Variants in GLI3 observed in about 807,000 individuals in gnomAD.
The protein encoded by GLI3 is transcription activator GLI3.
Under a neutral mutation model 100.8 loss-of-function variants are expected in GLI3, and 20 were observed. The ratio of observed to expected loss-of-function variants is 0.20; its 90% CI spans 0.14 to 0.29. The LOEUF is 0.29. GLI3 is among the 10% of genes least tolerant of loss of function. The pLI, the probability that GLI3 is intolerant of heterozygous loss-of-function variation, is 1.00. For missense variants in GLI3, 2,040 were observed against 2,128.5 expected, an observed-to-expected ratio of 0.96 and a Z score of 0.82; for synonymous variants, 938 against 860.5, an observed-to-expected ratio of 1.09 and a Z score of -1.58.
At chr7:42,047,477 G>A (rs34030595) in intron 5 of GLI3, among the ~76,000 whole-genome samples, 29,076 of 152,156 alleles carry the variant, frequency 0.19, 3,505 homozygotes, top group Admixed American at 0.31. Flanking sequence ...GGTGATTTGC[G>A]ATCTCTTGCA....
chr7:42,055,065 GTATACATATATATGTATATATACATA>G (rs1398550063), intron 4 of GLI3, among the ~76,000 whole-genome samples: 5,416 of 80,556 alleles, frequency 0.067, 322 homozygotes, highest in African/African-American at 0.26. Context: ...ACACATATAT[GTATACATATATATGTATATATACATA>G]TATACACATA....
Position 41,968,746 on chromosome 7 carries a change from AAG to A in GLI3, c.2104-825_2104-824del, listed in dbSNP as rs1491420992. Among the ~76,000 whole-genome samples the A allele has an allele frequency of 3.3e-4, 44 of 131,734 alleles. 2 individuals are homozygous for A. The highest frequency in any genetic ancestry group is 1.6e-3 in the African/African-American group (42 of 26,388). The allele number at this position is 131,734 out of a possible 152,430, so 86.4% of individuals were successfully genotyped here. Reference sequence around the variant, plus strand: ...AAAGAAAGAAAGAAAGAAAGAAAGAAAGAAAGAAAGAAAGAAGGAAAGAAAGA... The same window carrying A: ...AAAGAAAGAAAGAAAGAAAGAAAGAAAAAGAAAGAAAGAAGGAAAGAAAGA... On this transcript the variant is annotated intron_variant, in intron 13 of 14. Transcript: ENST00000395925.
intron 2 of GLI3, among the ~76,000 whole-genome samples, chr7:42,170,285 T>TACAC (rs1377941761): frequency 1.4e-5 from 2 of 145,098 alleles, no homozygotes; most frequent in African/African-American, 5.1e-5. Context: ...TATATATATA[T>TACAC]ATACACACAC....
At chr7:42,050,045 G>A (rs73688631) in intron 4 of GLI3, among the ~76,000 whole-genome samples, 302 of 152,252 alleles carry the variant, frequency 2.0e-3, no homozygotes, top group African/African-American at 6.8e-3. Flanking sequence ...AGTGCACAGC[G>A]CAGACACTGA....
chr7:42,213,115 T>C (rs899178563), intron 2 of GLI3, among the ~76,000 whole-genome samples: 1 of 152,202 alleles, frequency 6.6e-6, no homozygotes, highest in Admixed American at 6.5e-5. Context: ...ATCTGTGGAT[T>C]TTTTTCTCCC....
intron 3 of GLI3, among the ~76,000 whole-genome samples, chr7:42,097,871 G>C (rs1023355061): frequency 3.3e-5 from 5 of 152,068 alleles, no homozygotes; most frequent in African/African-American, 1.2e-4. Context: ...TTCTATACCA[G>C]ACATACCAGG....
intron 6 of GLI3, 69 bp from the exon 7 acceptor site, chr7:42,040,308 T>A: frequency 8.6e-7 from 1 of 1,161,370 alleles, no homozygotes; most frequent in Non-Finnish European, 1.3e-6. Flanking sequence ...TATTGCTACT[T>A]GCCTACGTGG....
Position 42,215,608 on chromosome 7 carries a change from A to G in GLI3, c.124+7522T>C, listed in dbSNP as rs117321606. On this transcript the variant is annotated intron_variant, in intron 2 of 14. Coordinates refer to ENST00000395925, the MANE Select transcript of GLI3 (RefSeq NM_000168.6). Reference sequence around the variant, plus strand: ...GATCACATGTAATCAAAGGCAACCCAGAAACATCCCATCCAAGCAAAACAT... The same window carrying G: ...GATCACATGTAATCAAAGGCAACCCGGAAACATCCCATCCAAGCAAAACAT... 3.3e-5 allele frequency among the ~76,000 whole-genome samples: 5 copies of G among 152,348 alleles called. No individual in the cohort carries two copies. The East Asian group carries it at 9.7e-4, about 29-fold the overall frequency.
intron 12 of GLI3, among the ~76,000 whole-genome samples, chr7:41,973,015 A>G (rs542205305): frequency 6.6e-6 from 1 of 152,356 alleles, no homozygotes; most frequent in African/African-American, 2.4e-5. Context: ...AAAGACACCC[A>G]TCATCTAATC....
At chr7:42,130,635 G>A (rs1377864630) in intron 3 of GLI3, among the ~76,000 whole-genome samples, 1 of 151,978 alleles carries the variant, frequency 6.6e-6, no homozygotes, top group Non-Finnish European at 1.5e-5. Flanking sequence ...ACACACAGAA[G>A]TAACCTAGGA....
chr7:42,071,216 TG>T (rs1009264154), intron 4 of GLI3, among the ~76,000 whole-genome samples: 2 of 151,862 alleles, frequency 1.3e-5, no homozygotes, highest in East Asian at 1.9e-4. Context: ...TTTTCTTTTT[TG>T]GGGGGGCGGT....
At chr7:41,975,154 C>T (rs928967640) in intron 12 of GLI3, among the ~76,000 whole-genome samples, 6 of 152,164 alleles carry the variant, frequency 3.9e-5, no homozygotes, top group African/African-American at 1.2e-4. Context: ...GTCAGAGCTA[C>T]GGTCAGTCTA....
chr7:42,083,269 G>T (rs1785034251), intron 3 of GLI3, among the ~76,000 whole-genome samples: 1 of 151,966 alleles, frequency 6.6e-6, no homozygotes, highest in Non-Finnish European at 1.5e-5. Flanking sequence ...TAATGTTTAG[G>T]TCCCACAAAT....
chr7:42,010,177 A>AC (rs1161323925), intron 10 of GLI3, among the ~76,000 whole-genome samples: 1 of 152,154 alleles, frequency 6.6e-6, no homozygotes, highest in Non-Finnish European at 1.5e-5. Context: ...CAGGATTGAC[A>AC]CTCGGAGCTG....
At chr7:41,992,976 G>A (rs1338240572) in intron 10 of GLI3, among the ~76,000 whole-genome samples, 1 of 152,196 alleles carries the variant, frequency 6.6e-6, no homozygotes, top group Non-Finnish European at 1.5e-5. Context: ...CGAGTTTTAA[G>A]CAGTTTGTTG....
Position 42,023,462 on chromosome 7 carries a change from A to C in GLI3, c.1497+6T>G. The C allele has an allele frequency of 6.2e-7, 1 of 1,614,114 alleles. No individual in the cohort carries two copies. Among genetic ancestry groups the C allele is most frequent in the South Asian group, 1.1e-5 (1 of 91,084 alleles). ...AAAGCTCGGTTCCTGAATACCATCC[A>C]CTTACGTGCACAAGCTGCTCTTGGG... On this transcript the variant is annotated splice_donor_region_variant and intron_variant, in intron 10 of 14. Transcript: ENST00000395925.
intron 6 of GLI3, among the ~76,000 whole-genome samples, chr7:42,042,083 G>A (rs966311948): frequency 1.1e-4 from 17 of 149,322 alleles, no homozygotes; most frequent in African/African-American, 4.2e-4. Flanking sequence ...GCACGATCTC[G>A]GCTCACTGCA....
chr7:42,249,146 G>A (rs528194675), intron 1 of GLI3, among the ~76,000 whole-genome samples: 12 of 152,006 alleles, frequency 7.9e-5, no homozygotes, highest in African/African-American at 2.4e-4. Flanking sequence ...AAAACATTCC[G>A]TTAGTACAGG....
chr7:42,178,008 A>G (rs1472798475), intron 2 of GLI3, among the ~76,000 whole-genome samples: 1 of 152,216 alleles, frequency 6.6e-6, no homozygotes, highest in Non-Finnish European at 1.5e-5. Flanking sequence ...GATCTCAGTC[A>G]CTAGCCAAAC....
Sources: allele counts gnomAD v4.1 joint callset (sites outside exome capture counted in the v4.1 genomes callset), GRCh38; gene constraint gnomAD v4.1.1; transcripts MANE v1.5; gene names NCBI Gene and HGNC (gene_info 2026-07-23, HGNC 2026-07-21).